Variants in CIT observed in about 807,000 individuals in gnomAD.
The protein encoded by CIT is citron Rho-interacting kinase.
Under a neutral mutation model 272.7 loss-of-function variants are expected in CIT, and 79 were observed. That is an observed-to-expected ratio of 0.29 (90% CI 0.24 to 0.35). The LOEUF (loss-of-function observed/expected upper bound fraction) is 0.35. Among genes scored for constraint, CIT ranks in the 10% least tolerant of loss-of-function variants. The pLI, the probability that CIT is intolerant of heterozygous loss-of-function variation, is 1.00. For missense variants in CIT, 1,909 were observed against 2,618.3 expected (o/e 0.73, Z 5.91); for synonymous variants, 948 against 995.6 (o/e 0.95, Z 0.90).
intron 5 of CIT, among the ~76,000 whole-genome samples, chr12:119,846,446 T>C (rs1014606822): frequency 1.3e-5 from 2 of 152,178 alleles, no homozygotes; most frequent in Admixed American, 1.3e-4. Flanking sequence ...TATGAGTTTA[T>C]GGAGCAGTGC....
intron 22 of CIT, among the ~76,000 whole-genome samples, chr12:119,754,930 G>C (rs975464277): frequency 1.1e-4 from 17 of 152,190 alleles, no homozygotes; most frequent in African/African-American, 4.1e-4. Flanking sequence ...GCAAGAGACA[G>C]CCAGTCAAGG....
At chr12:119,702,446 G>A (rs937544715) in intron 41 of CIT, among the ~76,000 whole-genome samples, 7 of 152,168 alleles carry the variant, frequency 4.6e-5, no homozygotes, top group African/African-American at 1.7e-4. Context: ...AGCACTTTGG[G>A]AGGCTGAGGC....
chr12:119,759,156 A>T (rs1961409794), intron 20 of CIT, among the ~76,000 whole-genome samples: 1 of 152,208 alleles, frequency 6.6e-6, no homozygotes, highest in Non-Finnish European at 1.5e-5. Flanking sequence ...CCCCAGGGCC[A>T]CAGAGCAGTA....
intron 39 of CIT, among the ~76,000 whole-genome samples, chr12:119,709,787 A>T (rs867821003): frequency 8.4e-5 from 9 of 107,636 alleles, no homozygotes; most frequent in African/African-American, 1.4e-4. Flanking sequence ...AGAGAGAGAG[A>T]GTGTGTGTGT....
At chr12:119,847,089 G>A (rs1194497967) in intron 5 of CIT, among the ~76,000 whole-genome samples, 1 of 151,626 alleles carries the variant, frequency 6.6e-6, no homozygotes, top group Non-Finnish European at 1.5e-5. Flanking sequence ...GGTTCACACC[G>A]TTCTCCTCCC....
Position 119,825,280 on chromosome 12 carries a change from C to A in CIT, c.842G>T (p.Gly281Val). 3 of 1,614,126 alleles carry A rather than the reference C, an allele frequency of 1.9e-6. No homozygotes were observed. The highest frequency in any genetic ancestry group is 2.5e-6 in the Non-Finnish European group (3 of 1,180,028). ...VMNGDGKGTY[G>V]LDCDWWSVGV... is the part of the protein sequence containing the mutation. ...CACTGACCACCAGTCACAGTCCAGG[C>A]CGTAGGTGCCTTTTCCATCCCCGTT... Residue 281 changes from glycine to valine, a missense_variant, in exon 8 of 48, where the codon GGC becomes GTC. Physicochemically the swap from Gly to Val is moderately radical, Grantham distance 109. Around this residue, in one of 8 missense-constraint regions of CIT, gnomAD observed 529 missense variants for 549.6 expected, o/e 0.96. Coordinates refer to ENST00000392521, the MANE Select transcript of CIT (RefSeq NM_001206999.2).
At position 119,713,901 on chromosome 12, in the gene CIT, C is replaced by T. The variant is rs1010637880; in HGVS notation, c.4307-253G>A. 54 of 605,972 alleles carry T rather than the reference C, an allele frequency of 8.9e-5. No homozygotes were observed. The highest frequency in any genetic ancestry group is 4.4e-4 in the Middle Eastern group (1 of 2,276). 37.5% of individuals were successfully genotyped at this position (605,972 alleles called of 1,614,324 possible). A position where few individuals can be genotyped will look rare whatever the true frequency, so the allele number is the denominator to read the frequency against. ...CCCACAAACAGGTGTGTAAAGAACA[C>T]GTTTGCATGTTTCAGTTGGAGTCAG... On this transcript the variant is annotated intron_variant, in intron 33 of 47. Coordinates refer to ENST00000392521, the MANE Select transcript of CIT (RefSeq NM_001206999.2). The surrounding 1 kb of genome is among the most constrained non-coding windows in gnomAD (Gnocchi z 5.2).
chr12:119,702,061 G>A (rs1398423584), intron 41 of CIT, 103 bp from the exon 42 acceptor site: 3 of 813,770 alleles, frequency 3.7e-6, no homozygotes, highest in Non-Finnish European at 6.2e-6. Flanking sequence ...AAGCCCTGGA[G>A]AACATTGTCA....
chr12:119,837,306 A>T (rs1969082616), intron 5 of CIT, among the ~76,000 whole-genome samples: 1 of 152,254 alleles, frequency 6.6e-6, no homozygotes, highest in Admixed American at 6.5e-5. Flanking sequence ...AATGGAGGCC[A>T]TGGGGAAGAT....
At chr12:119,781,266 T>G (rs1251233702) in intron 13 of CIT, among the ~76,000 whole-genome samples, 3 of 152,228 alleles carry the variant, frequency 2.0e-5, no homozygotes, top group Non-Finnish European at 4.4e-5. Flanking sequence ...GCACGTTTAT[T>G]TATAATGTTT....
At chr12:119,767,289 G>C (rs997001268) in intron 18 of CIT, 107 bp from the exon 19 acceptor site, 15 of 815,216 alleles carry the variant, frequency 1.8e-5, no homozygotes, top group Non-Finnish European at 1.4e-5. Flanking sequence ...CACAGGTAAC[G>C]GTCATCTGGT....
chr12:119,800,730 G>A (rs1966120184), intron 10 of CIT, among the ~76,000 whole-genome samples: 2 of 152,224 alleles, frequency 1.3e-5, no homozygotes, highest in South Asian at 4.1e-4. Flanking sequence ...AAGAAACACA[G>A]GGTCGCTGGC....
chr12:119,867,623 T>C (rs1950551863), intron 3 of CIT, among the ~76,000 whole-genome samples: 1 of 152,188 alleles, frequency 6.6e-6, no homozygotes, highest in Non-Finnish European at 1.5e-5. Flanking sequence ...GGCTGCTTTG[T>C]GCACTGTAAG....
chr12:119,836,381 C>G (rs1969020082), intron 5 of CIT, among the ~76,000 whole-genome samples: 1 of 151,378 alleles, frequency 6.6e-6, no homozygotes. Flanking sequence ...CCCCCAAGTT[C>G]CTAGCAGACA....
intron 24 of CIT, among the ~76,000 whole-genome samples, chr12:119,739,588 T>C (rs1958958735): frequency 6.6e-6 from 1 of 152,174 alleles, no homozygotes; most frequent in African/African-American, 2.4e-5. Context: ...TGTTCTAAAG[T>C]AGTGGTATTC....
Position 119,817,079 on chromosome 12 carries a change from T to C in CIT, c.1111+5741A>G, listed in dbSNP as rs1967253330. Among the ~76,000 whole-genome samples the C allele has an allele frequency of 2.0e-5, 3 of 152,344 alleles. No individual in the cohort carries two copies. The South Asian group carries it at 6.2e-4, about 32-fold the overall frequency. ...ATCTTGAGATTAGAAATCCCAAGAT[T>C]AGAAGTGGGCCATCGATCCAACATT... On this transcript the variant is annotated intron_variant, in intron 9 of 47. Coordinates refer to ENST00000392521, the MANE Select transcript of CIT (RefSeq NM_001206999.2).
intron 3 of CIT, among the ~76,000 whole-genome samples, chr12:119,862,832 A>AAAAAAAAAAAAAAG (rs1950390006): frequency 7.4e-6 from 1 of 135,564 alleles, no homozygotes; most frequent in African/African-American, 3.1e-5. Context: ...AAAAAAAAAA[A>AAAAAAAAAAAAAAG]AAAAAAAAGA....
At position 119,718,330 on chromosome 12, in the gene CIT, G is replaced by C; in HGVS notation, c.4083C>G (p.Ile1361Met). The part of the protein sequence containing the change: ...TARQQIAMSA[I>M]VRSPEHQPSA... Reference sequence around the variant, plus strand: ...TGGGCTGGTGCTCTGGCGACCGCACGATGGCGGACATGGCGATCTGCTGCC... The same window carrying C: ...TGGGCTGGTGCTCTGGCGACCGCACCATGGCGGACATGGCGATCTGCTGCC... The change falls in exon 32 of 48, where the codon ATC becomes ATG. Residue 1361 changes from isoleucine (I) to methionine (M), a missense_variant. Around this residue, in one of 8 missense-constraint regions of CIT, gnomAD observed 780 missense variants for 1,067.2 expected, o/e 0.73. Coordinates refer to ENST00000392521, the MANE Select transcript of CIT (RefSeq NM_001206999.2). The surrounding 1 kb of genome is among the most constrained non-coding windows in gnomAD (Gnocchi z 4.8). 1 of 1,614,102 alleles carries C rather than the reference G, an allele frequency of 6.2e-7. No individual in the cohort carries two copies. Among genetic ancestry groups the C allele is most frequent in the South Asian group, 1.1e-5 (1 of 91,068 alleles).
chr12:119,764,269 G>A (rs1962153715), intron 19 of CIT, among the ~76,000 whole-genome samples: 1 of 152,188 alleles, frequency 6.6e-6, no homozygotes, highest in South Asian at 2.1e-4. Flanking sequence ...ACTTCACATA[G>A]TGGAGTTGTC....
Sources: allele counts gnomAD v4.1 joint callset (sites outside exome capture counted in the v4.1 genomes callset), GRCh38; gene constraint gnomAD v4.1.1; regional missense constraint gnomAD v4.1.1; non-coding constraint Gnocchi (gnomAD v3.1); transcripts MANE v1.5; gene names NCBI Gene and HGNC (gene_info 2026-07-23, HGNC 2026-07-21).